LEMD1: variants seen among roughly 807,000 people sequenced by gnomAD.
LEMD1 encodes the protein LEM domain-containing protein 1.
Under a neutral mutation model 17.4 loss-of-function variants are expected in LEMD1, and 18 were observed. The observed-to-expected ratio is 1.04, with a 90% confidence interval of 0.72 to 1.54. LEMD1 has a LOEUF of 1.54. Ranked by LOEUF, LEMD1 falls within the 40% of genes most tolerant of loss-of-function variation. The pLI is 0.00. For synonymous variants in LEMD1, 88 were observed against 77.8 expected, an observed-to-expected ratio of 1.13 and a Z score of -0.69; for missense variants, 195 against 210.4, an observed-to-expected ratio of 0.93 and a Z score of 0.45.
intron 4 of LEMD1, among the ~76,000 whole-genome samples, chr1:205,407,711 C>T (rs1210461432): frequency 6.6e-6 from 1 of 152,100 alleles, no homozygotes; most frequent in African/African-American, 2.4e-5. Context: ...GTTGTGGGAA[C>T]CCTTGATTTT....
At chr1:205,385,070 T>C (rs1256880323) in intron 4 of LEMD1, among the ~76,000 whole-genome samples, 1 of 152,126 alleles carries the variant, frequency 6.6e-6, no homozygotes, top group Admixed American at 6.6e-5. Flanking sequence ...CTTGGACTAC[T>C]ACACTAGACT....
At position 205,404,559 on chromosome 1, in the gene LEMD1, T is replaced by C. The variant is rs187849550; in HGVS notation, c.270+11673A>G. On this transcript the variant is annotated intron_variant, in intron 4 of 5. Transcript: ENST00000367153. ...TTTTGTTTTCCATTTGCTTGGTAGA[T>C]CTTCCTCCATCCTTTTATTTTGAGC... is the stretch of plus-strand genomic sequence containing the variant. Among the ~76,000 whole-genome samples, 236 of 152,354 alleles carry C rather than the reference T, an allele frequency of 1.5e-3. 2 individuals carry two copies. The highest frequency in any genetic ancestry group is 5.6e-3 in the African/African-American group (232 of 41,574).
chr1:205,411,443 T>A (rs1449506720), intron 4 of LEMD1, among the ~76,000 whole-genome samples: 1 of 151,268 alleles, frequency 6.6e-6, no homozygotes, highest in Admixed American at 6.6e-5. Context: ...TAGTCCCAGC[T>A]ACCCGGAGAG....
chr1:205,412,150 T>C (rs10900489), intron 4 of LEMD1, among the ~76,000 whole-genome samples: 126,360 of 152,054 alleles, frequency 0.83, 52,747 homozygotes, highest in East Asian at 1. Context: ...TCAAAGCCCA[T>C]TTTATGTAGC....
chr1:205,442,170 G>A (rs1666306178), intron 1 of LEMD1, among the ~76,000 whole-genome samples: 1 of 152,120 alleles, frequency 6.6e-6, no homozygotes, highest in Non-Finnish European at 1.5e-5. Context: ...GCCGGGGCCT[G>A]GTCTGAATCA....
upstream of LEMD1, among the ~76,000 whole-genome samples, chr1:205,424,603 C>T (rs1390971585): frequency 6.6e-6 from 1 of 152,160 alleles, no homozygotes; most frequent in Admixed American, 6.5e-5. Flanking sequence ...GAAAAGAATG[C>T]TGCAGGAGCC....
chr1:205,421,084 G>C (rs930067578), intron 1 of LEMD1, among the ~76,000 whole-genome samples: 1 of 151,840 alleles, frequency 6.6e-6, no homozygotes, highest in South Asian at 2.1e-4. Flanking sequence ...AACTCTGAAC[G>C]TTAACAAGAT....
intron 4 of LEMD1, among the ~76,000 whole-genome samples, chr1:205,397,940 A>G (rs1478290693): frequency 6.6e-6 from 1 of 152,204 alleles, no homozygotes; most frequent in Non-Finnish European, 1.5e-5. Context: ...TCTTGGAATC[A>G]TTATAATCAG....
intron 4 of LEMD1, among the ~76,000 whole-genome samples, chr1:205,412,464 T>G (rs1304456149): frequency 6.6e-6 from 1 of 152,198 alleles, no homozygotes; most frequent in Non-Finnish European, 1.5e-5. Flanking sequence ...TATCTCTAAG[T>G]GGCTTGCATT....
At chr1:205,419,138 G>A in intron 3 of LEMD1, 92 bp downstream of exon 3, 1 of 1,463,586 alleles carries the variant, frequency 6.8e-7, no homozygotes, top group East Asian at 2.3e-5. Flanking sequence ...TCACAGGTCA[G>A]GCTGCACACC....
intron 4 of LEMD1, chr1:205,386,807 C>T (rs1341641539): frequency 6.6e-6 from 1 of 152,142 alleles, no homozygotes; most frequent in Non-Finnish European, 1.5e-5. Flanking sequence ...GAAGAGATTT[C>T]CCACAAAGGT....
At chr1:205,414,082 G>C (rs1325208010) in intron 4 of LEMD1, among the ~76,000 whole-genome samples, 3 of 152,094 alleles carry the variant, frequency 2.0e-5, no homozygotes, top group Non-Finnish European at 4.4e-5. Flanking sequence ...GCAGAAACAA[G>C]GTAAGAATTT....
intron 4 of LEMD1, among the ~76,000 whole-genome samples, chr1:205,410,529 A>T (rs1324031112): frequency 2.0e-5 from 3 of 152,212 alleles, no homozygotes; most frequent in Admixed American, 1.3e-4. Flanking sequence ...GAGAAAGATC[A>T]TCAACATCAG....
chr1:205,386,464 T>G (rs541183939), intron 4 of LEMD1: 34 of 152,320 alleles, frequency 2.2e-4, no homozygotes, highest in African/African-American at 7.5e-4. Flanking sequence ...CCACGATGCC[T>G]GGCTAATTTT....
At chr1:205,384,737 A>G (rs909233015) in intron 4 of LEMD1, among the ~76,000 whole-genome samples, 2 of 152,224 alleles carry the variant, frequency 1.3e-5, no homozygotes, top group Non-Finnish European at 2.9e-5. Flanking sequence ...AAGTAATTTT[A>G]ACAAAGCAAG....
intron 4 of LEMD1, among the ~76,000 whole-genome samples, chr1:205,395,261 G>A (rs1338825630): frequency 2.6e-5 from 4 of 152,114 alleles, no homozygotes; most frequent in African/African-American, 9.7e-5. Flanking sequence ...ACATGACCAC[G>A]TAAGAATTCT....
intron 5 of LEMD1, among the ~76,000 whole-genome samples, chr1:205,383,222 T>C (rs1663809177): frequency 6.6e-6 from 1 of 152,094 alleles, no homozygotes; most frequent in South Asian, 2.1e-4. Flanking sequence ...GCCTCCCAGG[T>C]AACTGGGACT....
intron 4 of LEMD1, among the ~76,000 whole-genome samples, chr1:205,388,003 A>C (rs758908602): frequency 2.0e-5 from 3 of 152,168 alleles, no homozygotes; most frequent in Admixed American, 6.5e-5. Context: ...ACAGATGAGA[A>C]CCCTGAGGCA....
rs1225240463 is a variant in LEMD1 at position 205,441,607 on chromosome 1, C to CT, written c.-39+8260dup. Among the ~76,000 whole-genome samples the CT allele has an allele frequency of 6.6e-6, 1 of 152,146 alleles. No homozygotes were observed. The highest frequency in any genetic ancestry group is 6.5e-5 in the Admixed American group (1 of 15,290). On this transcript the variant is annotated intron_variant, in intron 1 of 3. Transcript: ENST00000367154. The surrounding 1 kb of genome is among the most constrained non-coding windows in gnomAD (Gnocchi z 4.3). ...CCCTTCCTTAACAACCCCAAGTTGTCTGACACCCTAGGAAAGCCTATAGGG... is the reference window on the plus strand; with the variant it reads ...CCCTTCCTTAACAACCCCAAGTTGTCTTGACACCCTAGGAAAGCCTATAGGG...
Sources: allele counts gnomAD v4.1 joint callset (sites outside exome capture counted in the v4.1 genomes callset), GRCh38; gene constraint gnomAD v4.1.1; non-coding constraint Gnocchi (gnomAD v3.1); transcripts MANE v1.5; gene names NCBI Gene and HGNC (gene_info 2026-07-23, HGNC 2026-07-21).